ZFTRAF1: variants seen among roughly 807,000 people sequenced by gnomAD.
The protein encoded by ZFTRAF1 is zinc finger TRAF-type and ring finger containing 1, also known as zinc finger TRAF-type-containing protein 1.
chr8:144,458,692 AAC>A, the ZFTRAF1 span, among the ~76,000 whole-genome samples: 10 of 152,202 alleles, frequency 6.6e-5, no homozygotes, highest in African/African-American at 2.2e-4. Context: ...CCACCCACAG[AAC>A]AGAGTGGACA....
At chr8:144,459,447 G>A in the ZFTRAF1 span, among the ~76,000 whole-genome samples, 2 of 152,252 alleles carry the variant, frequency 1.3e-5, no homozygotes, top group African/African-American at 4.8e-5. Flanking sequence ...CCAACCTGAC[G>A]TGAGGCAGGA....
chr8:144,451,066 C>A, the ZFTRAF1 span: 1 of 358,518 alleles, frequency 2.8e-6, no homozygotes, highest in Admixed American at 4.1e-5. Context: ...CCTCCCTCAC[C>A]GCCCCGAGCC....
chr8:144,457,013 T>G, the ZFTRAF1 span: 1 of 122,514 alleles, frequency 8.2e-6, no homozygotes, highest in Non-Finnish European at 1.6e-5. Context: ...GAAATTGACA[T>G]CATGGGGGAC....
the ZFTRAF1 span, among the ~76,000 whole-genome samples, chr8:144,461,352 G>A: frequency 7.2e-5 from 11 of 152,208 alleles, no homozygotes; most frequent in South Asian, 4.1e-4. Context: ...GAAAGAGAGG[G>A]AAAGACACAG....
chr8:144,454,824 G>C, the ZFTRAF1 span: 2 of 152,332 alleles, frequency 1.3e-5, no homozygotes, highest in African/African-American at 4.8e-5. Context: ...TGCTTCAGCT[G>C]CCTGTGCACC....
chr8:144,455,709 C>G, the ZFTRAF1 span: 2 of 152,286 alleles, frequency 1.3e-5, no homozygotes, highest in Non-Finnish European at 2.9e-5. Context: ...GGCTGTGGCC[C>G]GACCCCCAAG....
chr8:144,457,239 G>A, the ZFTRAF1 span: 9 of 152,168 alleles, frequency 5.9e-5, no homozygotes, highest in African/African-American at 1.9e-4. Context: ...CCCTCCTAGG[G>A]CAGATGTGGG....
At chr8:144,452,384 G>T in the ZFTRAF1 span, 4 of 1,549,942 alleles carry the variant, frequency 2.6e-6, no homozygotes, top group Non-Finnish European at 3.5e-6. Context: ...TCTCGAAGCT[G>T]AGCAGGCTGA....
At chr8:144,456,738 T>C in the ZFTRAF1 span, 3 of 145,810 alleles carry the variant, frequency 2.1e-5, no homozygotes, top group African/African-American at 5.2e-5. Flanking sequence ...ATCACGGGAA[T>C]GATATCACGG....
chr8:144,452,280 C>T, the ZFTRAF1 span: 5 of 1,472,086 alleles, frequency 3.4e-6, no homozygotes, highest in Non-Finnish European at 3.7e-6. Flanking sequence ...GTGCCCAGAG[C>T]CTGCTGCCCC....
chr8:144,453,805 C>T, the ZFTRAF1 span: 5 of 256,576 alleles, frequency 1.9e-5, no homozygotes, highest in African/African-American at 1.1e-4. Flanking sequence ...GACCCCCCTA[C>T]AGGTCCAGAG....
At chr8:144,452,302 C>A in the ZFTRAF1 span, 1 of 1,530,488 alleles carries the variant, frequency 6.5e-7, no homozygotes, top group African/African-American at 1.4e-5. Flanking sequence ...AGACTCCTGG[C>A]TGCCAGCCCC....
the ZFTRAF1 span, chr8:144,452,681 A>T: frequency 9.6e-7 from 1 of 1,039,268 alleles, no homozygotes; most frequent in South Asian, 1.6e-5. Context: ...TGCAGGACAC[A>T]CGTAACTGTG....
the ZFTRAF1 span, chr8:144,451,844 G>A: frequency 3.9e-5 from 8 of 203,466 alleles, no homozygotes; most frequent in Non-Finnish European, 4.1e-5. Context: ...AGTTTGAGTC[G>A]GGCACCCTCA....
At chr8:144,462,249 G>A in the ZFTRAF1 span, 1 of 522,238 alleles carries the variant, frequency 1.9e-6, no homozygotes, top group Non-Finnish European at 3.4e-6. Flanking sequence ...GCAGCCCCGG[G>A]CTGGGCCGGG....
the ZFTRAF1 span, chr8:144,453,712 G>A: frequency 1.6e-5 from 7 of 451,120 alleles, no homozygotes; most frequent in South Asian, 5.5e-5. Flanking sequence ...GCTCACAGAG[G>A]TGACAGCTCG....
chr8:144,452,114 T>C, the ZFTRAF1 span: 2 of 561,484 alleles, frequency 3.6e-6, no homozygotes, highest in Non-Finnish European at 6.5e-6. Flanking sequence ...CGAGGACAGG[T>C]GGGCGGGGCT....
chr8:144,461,151 G>A, the ZFTRAF1 span, among the ~76,000 whole-genome samples: 6 of 152,192 alleles, frequency 3.9e-5, no homozygotes, highest in Admixed American at 2.0e-4. Context: ...GAAGGACTTG[G>A]AGATCCAGAG....
chr8:144,462,568 T>TCCGACCCCGACC, the ZFTRAF1 span: 19 of 130,524 alleles, frequency 1.5e-4, 1 homozygote, highest in East Asian at 5.0e-4. Context: ...CGGGCCCGGC[T>TCCGACCCCGACC]CCGACCCCGA....
Sources: allele counts gnomAD v4.1 joint callset (sites outside exome capture counted in the v4.1 genomes callset), GRCh38; gene constraint gnomAD v4.1.1; transcripts MANE v1.5; gene names NCBI Gene and HGNC (gene_info 2026-07-23, HGNC 2026-07-21).